Variants in TMEM65 observed in about 807,000 individuals in gnomAD.
TMEM65 encodes transmembrane protein 65.
Under a neutral mutation model 25.4 loss-of-function variants are expected in TMEM65, and 22 were observed. The observed-to-expected ratio is 0.86, with a 90% CI of 0.62 to 1.23. The LOEUF is 1.23. Ranked by LOEUF, TMEM65 falls within the 50% of genes most tolerant of loss-of-function variation. TMEM65 has a pLI of 0.00. For synonymous variants in TMEM65, 132 were observed against 126.2 expected (o/e 1.05, Z -0.31); for missense variants, 262 against 308.2 (o/e 0.85, Z 1.12).
intron 1 of TMEM65, among the ~76,000 whole-genome samples, chr8:124,335,790 T>G (rs911413579): frequency 6.6e-6 from 1 of 151,988 alleles, no homozygotes; most frequent in Non-Finnish European, 1.5e-5. Context: ...AATGTTCAAT[T>G]AAGCAAAAAG....
At chr8:124,344,795 C>G (rs1814623696) in intron 1 of TMEM65, among the ~76,000 whole-genome samples, 1 of 152,130 alleles carries the variant, frequency 6.6e-6, no homozygotes, top group Non-Finnish European at 1.5e-5. Context: ...CATATCCTCT[C>G]TAGAGTATTA....
At chr8:124,349,364 A>G (rs1814678338) in intron 1 of TMEM65, among the ~76,000 whole-genome samples, 3 of 152,186 alleles carry the variant, frequency 2.0e-5, no homozygotes, top group Admixed American at 6.5e-5. Context: ...TGAAGTTAAA[A>G]TAAAGAGGAG....
chr8:124,321,454 T>C (rs1814302317), intron 5 of TMEM65, among the ~76,000 whole-genome samples: 1 of 152,128 alleles, frequency 6.6e-6, no homozygotes, highest in Non-Finnish European at 1.5e-5. Flanking sequence ...TCAGGCCATC[T>C]GCTACTTGGA....
chr8:124,351,923 C>T (rs1368654435), intron 1 of TMEM65, among the ~76,000 whole-genome samples: 2 of 152,162 alleles, frequency 1.3e-5, no homozygotes, highest in African/African-American at 2.4e-5. Flanking sequence ...TTCTTGGCTG[C>T]GCTTTTATCT....
intron 1 of TMEM65, among the ~76,000 whole-genome samples, chr8:124,350,471 T>C (rs1235005492): frequency 1.2e-5 from 1 of 85,788 alleles, no homozygotes; most frequent in Non-Finnish European, 2.6e-5. Flanking sequence ...TCCCTCTCTC[T>C]CTCTCTCACA....
intron 6 of TMEM65, among the ~76,000 whole-genome samples, chr8:124,315,843 C>T (rs1474645775): frequency 6.6e-6 from 1 of 152,144 alleles, no homozygotes; most frequent in Admixed American, 6.5e-5. Flanking sequence ...AAATTTTCTT[C>T]ATTCCACATG....
chr8:124,327,429 AC>A lies in TMEM65; in HGVS notation c.350-9del, dbSNP rs1391280821. On this transcript the variant is annotated splice_polypyrimidine_tract_variant and intron_variant, in intron 2 of 6. Coordinates refer to ENST00000297632, the MANE Select transcript of TMEM65 (RefSeq NM_194291.3). ...TCGCATTGTGGATGAATACTGAAAA[AC>A]ATCAAAAACAGAAAAATATATTTTA... The A allele has an allele frequency of 6.4e-7, 1 of 1,564,924 alleles. No individual in the cohort carries two copies. The highest frequency in any genetic ancestry group is 1.9e-5 in the Admixed American group (1 of 53,168).
chr8:124,350,133 T>C (rs1814688759), intron 1 of TMEM65, among the ~76,000 whole-genome samples: 1 of 148,028 alleles, frequency 6.8e-6, no homozygotes, highest in Non-Finnish European at 1.5e-5. Context: ...TGTGTGTGTG[T>C]GTGTGTGTGT....
At chr8:124,342,548 A>ATTTATATAATT (rs1814593907) in intron 1 of TMEM65, among the ~76,000 whole-genome samples, 1 of 152,154 alleles carries the variant, frequency 6.6e-6, no homozygotes, top group Admixed American at 6.5e-5. Flanking sequence ...TATATAATAA[A>ATTTATATAATT]CAAGTGCTAT....
chr8:124,362,900 G>T (rs1247652851), intron 1 of TMEM65, among the ~76,000 whole-genome samples: 1 of 152,120 alleles, frequency 6.6e-6, no homozygotes, highest in East Asian at 1.9e-4. Flanking sequence ...GGGGAGAGGA[G>T]AGACAGATTC....
At chr8:124,329,827 T>C (rs1212405449) in intron 2 of TMEM65, among the ~76,000 whole-genome samples, 1 of 151,770 alleles carries the variant, frequency 6.6e-6, no homozygotes, top group Non-Finnish European at 1.5e-5. Flanking sequence ...AAAATGATAA[T>C]AGTATACAGT....
intron 1 of TMEM65, among the ~76,000 whole-genome samples, chr8:124,353,400 T>C (rs1010628728): frequency 1.3e-5 from 2 of 152,114 alleles, no homozygotes; most frequent in African/African-American, 4.8e-5. Context: ...CCTGTGTTAT[T>C]AGCTTAGTAT....
At chr8:124,355,267 C>A (rs12674701) in intron 1 of TMEM65, among the ~76,000 whole-genome samples, 2 of 151,880 alleles carry the variant, frequency 1.3e-5, no homozygotes, top group Non-Finnish European at 2.9e-5. Flanking sequence ...AATTCTAGGA[C>A]GTTTTTTAAA....
At position 124,371,975 on chromosome 8, in the gene TMEM65, C is replaced by T; in HGVS notation, c.183G>A (p.Glu61=). The T allele has an allele frequency of 6.7e-7, 1 of 1,492,694 alleles. No individual in the cohort carries two copies. Among genetic ancestry groups the T allele is most frequent in the Non-Finnish European group, 8.9e-7 (1 of 1,123,854 alleles). 92.5% of individuals were successfully genotyped at this position (1,492,694 alleles called of 1,614,324 possible). A position where few individuals can be genotyped will look rare whatever the true frequency, so the allele number is the denominator to read the frequency against. The change falls in exon 1 of 7, where the codon GAG becomes GAA. Residue 61 remains glutamate (E), a synonymous_variant. Coordinates refer to ENST00000297632, the MANE Select transcript of TMEM65 (RefSeq NM_194291.3). ...GCGCCGTGTTCAGCGCCTCCATGGGCTCCTTCTTGGGGTGCGTGCCCAGCC... is the reference window on the plus strand; with the variant it reads ...GCGCCGTGTTCAGCGCCTCCATGGGTTCCTTCTTGGGGTGCGTGCCCAGCC... The part of the protein sequence containing the change: ...PRRLGTHPKK[E]PMEALNTAQG...
chr8:124,342,240 G>A (rs1339992121), intron 1 of TMEM65, among the ~76,000 whole-genome samples: 2 of 151,970 alleles, frequency 1.3e-5, no homozygotes, highest in South Asian at 4.1e-4. Context: ...ACTTTCCTGA[G>A]CAACTATAAG....
At chr8:124,369,929 T>C (rs953406863) in intron 1 of TMEM65, among the ~76,000 whole-genome samples, 1 of 152,050 alleles carries the variant, frequency 6.6e-6, no homozygotes, top group Non-Finnish European at 1.5e-5. Context: ...TTCTTTAGCA[T>C]ATAAAGAGGA....
rs80244114 is a variant in TMEM65 at position 124,322,196 on chromosome 8, T to C, written c.473-49A>G. 2,662 of 1,359,924 alleles carry C rather than the reference T, an allele frequency of 2.0e-3. 30 individuals carry two copies. In the African/African-American group the frequency reaches 0.027, roughly 14 times the overall value. The allele number at this position is 1,359,924 out of a possible 1,614,324, so 84.2% of individuals were successfully genotyped here. On this transcript the variant is annotated intron_variant, in intron 4 of 6. Coordinates refer to ENST00000297632, the MANE Select transcript of TMEM65 (RefSeq NM_194291.3). ...TTGTTACATAAAAGAATAATAATTA[T>C]ATCACTATGTAATCAATAAAGCACT...
At chr8:124,345,590 T>A (rs1814631342) in intron 1 of TMEM65, among the ~76,000 whole-genome samples, 1 of 152,114 alleles carries the variant, frequency 6.6e-6, no homozygotes, top group South Asian at 2.1e-4. Flanking sequence ...GCATATAGAG[T>A]GAGCTCTATT....
chr8:124,349,359 T>A (rs1035855112), intron 1 of TMEM65, among the ~76,000 whole-genome samples: 1 of 151,874 alleles, frequency 6.6e-6, no homozygotes, highest in East Asian at 1.9e-4. Flanking sequence ...AAAATTGAAG[T>A]TAAAATAAAG....
Sources: allele counts gnomAD v4.1 joint callset (sites outside exome capture counted in the v4.1 genomes callset), GRCh38; gene constraint gnomAD v4.1.1; transcripts MANE v1.5; gene names NCBI Gene and HGNC (gene_info 2026-07-23, HGNC 2026-07-21).